RHBDF2: variants seen among roughly 807,000 people sequenced by gnomAD.
RHBDF2 encodes rhomboid 5 homolog 2.
In RHBDF2, 38 loss-of-function variants were observed where a neutral mutation model predicts 95.2. That is an observed-to-expected ratio of 0.40 (90% CI 0.31 to 0.52). The LOEUF (loss-of-function observed/expected upper bound fraction) is 0.52. RHBDF2 is among the 20% of genes least tolerant of loss of function. RHBDF2 has a pLI of 0.56. For missense variants in RHBDF2, 863 were observed against 1,137.7 expected (o/e 0.76, Z 3.47); for synonymous variants, 442 against 462.0 (o/e 0.96, Z 0.55).
At chr17:76,484,596 T>C (rs1211552863) in intron 2 of RHBDF2, among the ~76,000 whole-genome samples, 1 of 152,066 alleles carries the variant, frequency 6.6e-6, no homozygotes, top group African/African-American at 2.4e-5. Flanking sequence ...AGACTGATCA[T>C]TCTCCGCACC....
intron 1 of RHBDF2, chr17:76,492,998 C>T (rs570445382): frequency 5.3e-5 from 8 of 152,366 alleles, no homozygotes; most frequent in Non-Finnish European, 1.0e-4. Flanking sequence ...TGTGGGGAAA[C>T]CACCCCCTGG....
rs1340992125 is a variant in RHBDF2 at position 76,473,900 on chromosome 17, G to A, written c.1577C>T (p.Thr526Ile). 1 of 1,613,938 alleles carries A rather than the reference G, an allele frequency of 6.2e-7. No individual in the cohort carries two copies. The highest frequency in any genetic ancestry group is 8.5e-7 in the Non-Finnish European group (1 of 1,179,964). The change falls in exon 14 of 19, where the codon ACC becomes ATC. Residue 526 changes from threonine to isoleucine, a missense_variant and splice_region_variant. By Grantham distance (89) the Thr-to-Ile change is moderately conservative (BLOSUM62 -1). Transcript: ENST00000675367. ...ACCGCTGGAGGCTGGCTCCTCGCAG[G>A]TCCTGGAGACAGGGTTCAGATTGGG... ...SGAVCHQDPR[T>I]CEEPASSGAH...
At chr17:76,495,994 G>C (rs1020181024) in intron 1 of RHBDF2, among the ~76,000 whole-genome samples, 14 of 152,080 alleles carry the variant, frequency 9.2e-5, no homozygotes, top group African/African-American at 1.7e-4. Flanking sequence ...ACCTTGCTTC[G>C]GGGCAGCGTG....
At chr17:76,486,170 G>A (rs2074124560) in intron 2 of RHBDF2, among the ~76,000 whole-genome samples, 1 of 152,060 alleles carries the variant, frequency 6.6e-6, no homozygotes, top group Non-Finnish European at 1.5e-5. Context: ...GCGCAGTGGT[G>A]CGATTTTGGC....
At chr17:76,477,615 G>A in intron 7 of RHBDF2, 42 bp downstream of exon 7, 1 of 1,603,852 alleles carries the variant, frequency 6.2e-7, no homozygotes, top group Non-Finnish European at 8.5e-7. Flanking sequence ...CAGCTCCCAG[G>A]CCACCCCACC....
intron 2 of RHBDF2, among the ~76,000 whole-genome samples, chr17:76,486,113 CACAT>C (rs988415452): frequency 2.2e-5 from 3 of 136,460 alleles, no homozygotes; most frequent in African/African-American, 8.1e-5. Flanking sequence ...CACACACACA[CACAT>C]ATAGTTTTTG....
chr17:76,474,844 GTGGGCCC>G (rs1281248666), intron 10 of RHBDF2, 40 bp from the exon 11 acceptor site: 2 of 1,598,358 alleles, frequency 1.3e-6, no homozygotes, highest in East Asian at 4.5e-5. Flanking sequence ...TCAGAACAGT[GTGGGCCC>G]TGGGCATGGG....
chr17:76,491,900 T>G (rs2074311514), intron 1 of RHBDF2, among the ~76,000 whole-genome samples: 2 of 152,172 alleles, frequency 1.3e-5, no homozygotes, highest in South Asian at 4.1e-4. Flanking sequence ...CACCCAGCAC[T>G]TATCTCCGAG....
chr17:76,473,496 G>T, intron 15 of RHBDF2, 152 bp downstream of exon 15: 1 of 923,074 alleles, frequency 1.1e-6, no homozygotes, highest in South Asian at 1.5e-5. Context: ...CTCGCACCAT[G>T]GGTAGCCCCA....
intron 2 of RHBDF2, among the ~76,000 whole-genome samples, chr17:76,482,811 C>T (rs1274776853): frequency 1.3e-5 from 2 of 151,512 alleles, no homozygotes; most frequent in African/African-American, 2.4e-5. Flanking sequence ...CTGTCTGGCA[C>T]TTTTCTCCCC....
intron 2 of RHBDF2, among the ~76,000 whole-genome samples, chr17:76,483,441 AC>A (rs1402211796): frequency 2.0e-5 from 3 of 151,808 alleles, no homozygotes; most frequent in Non-Finnish European, 2.9e-5. Flanking sequence ...ATGCGCCACC[AC>A]GCCCAGCTAA....
intron 9 of RHBDF2, chr17:76,476,512 C>G (rs1033588848): frequency 1.6e-5 from 5 of 320,132 alleles, no homozygotes; most frequent in Non-Finnish European, 2.9e-5. Flanking sequence ...CTGCTCCACC[C>G]TCTGGGGGTT....
chr17:76,473,671 G>C lies in RHBDF2; in HGVS notation c.1710C>G (p.Pro570=). The C allele has an allele frequency of 6.2e-7, 1 of 1,610,662 alleles. No individual in the cohort carries two copies. The highest frequency in any genetic ancestry group is 8.5e-7 in the Non-Finnish European group (1 of 1,178,862). Residue 570 remains proline, a synonymous_variant, in exon 15 of 19, where the codon CCC becomes CCG. Transcript: ENST00000675367. ...LHMDCEIKGR[P]CCIGTKGSCE... Reference sequence around the variant, plus strand: ...ACCTGCCCTTGGTGCCGATGCAGCAGGGGCGGCCCTTGATCTCGCAGTCCA... The same window carrying C: ...ACCTGCCCTTGGTGCCGATGCAGCACGGGCGGCCCTTGATCTCGCAGTCCA...
Position 76,471,785 on chromosome 17 carries a change from C to T in RHBDF2, c.2332G>A (p.Val778Met). ...AGGCCGGCAAAGGCCAGCAGTGACA[C>T]CAGGATGAGTGCCCGCTTGCGGTAC... ...DKYRKRALIL[V>M]SLLAFAGLFA... Residue 778 changes from valine to methionine, a missense_variant, in exon 19 of 19, where the codon GTG (valine) becomes ATG (methionine). Around this residue, in one of 2 missense-constraint regions of RHBDF2, gnomAD observed 252 missense variants for 412.2 expected, o/e 0.61. Coordinates refer to ENST00000675367, the MANE Select transcript of RHBDF2 (RefSeq NM_001005498.4). The T allele has an allele frequency of 6.2e-7, 1 of 1,608,164 alleles. No homozygotes were observed. Among genetic ancestry groups the T allele is most frequent in the Non-Finnish European group, 8.5e-7 (1 of 1,177,292 alleles).
At chr17:76,489,325 GTT>G (rs71161301) in intron 1 of RHBDF2, among the ~76,000 whole-genome samples, 48 of 131,676 alleles carry the variant, frequency 3.6e-4, no homozygotes, top group Non-Finnish European at 5.7e-4. Flanking sequence ...GGGCATTCCT[GTT>G]TTTTTTTTTT....
chr17:76,481,240 G>A (rs560979235), intron 3 of RHBDF2, 135 bp downstream of exon 3: 26 of 1,014,046 alleles, frequency 2.6e-5, no homozygotes, highest in African/African-American at 2.2e-4. Flanking sequence ...GGTAGGGCCC[G>A]AGTCAAGGGC....
rs2073543326 is a variant in RHBDF2, at chr17:76,471,116, C to G, written c.*517G>C. ...TCTGCCCCCAGACCATGGCCAAAGC[C>G]TTTCCCACAATGTCCCATCTGAGAG... On this transcript the variant is annotated 3_prime_UTR_variant, in exon 19 of 19. Transcript: ENST00000675367. The G allele has an allele frequency of 6.2e-6, 1 of 160,106 alleles. No homozygotes were observed. The highest frequency in any genetic ancestry group is 2.4e-5 in the African/African-American group (1 of 41,508). The allele number at this position is 160,106 out of a possible 1,614,324, so 9.9% of individuals were successfully genotyped here.
Position 76,473,385 on chromosome 17 carries a change from T to G in RHBDF2, c.1734-58A>C. The G allele has an allele frequency of 3.4e-6, 5 of 1,473,866 alleles. No individual in the cohort carries two copies. The South Asian group carries it at 6.0e-5, about 18-fold the overall frequency. The allele number at this position is 1,473,866 out of a possible 1,614,324, so 91.3% of individuals were successfully genotyped here. A position where few individuals can be genotyped will look rare whatever the true frequency, so the allele number is the denominator to read the frequency against. On this transcript the variant is annotated intron_variant, in intron 15 of 18. Transcript: ENST00000675367. ...GGGCGCCGAATAACCACTGCCCACC[T>G]TTGCCCAGAGCCCAGCACCTGGCTA... is the stretch of plus-strand genomic sequence containing the variant.
chr17:76,473,541 T>TCGGCCCAGCGGCTG, intron 15 of RHBDF2, 107 bp downstream of exon 15: 1 of 1,044,684 alleles, frequency 9.6e-7, no homozygotes, highest in Non-Finnish European at 1.4e-6. Context: ...TTGGAGGGCA[T>TCGGCCCAGCGGCTG]CGGCCCAGCG....
Sources: allele counts gnomAD v4.1 joint callset (sites outside exome capture counted in the v4.1 genomes callset), GRCh38; gene constraint gnomAD v4.1.1; regional missense constraint gnomAD v4.1.1; transcripts MANE v1.5; gene names NCBI Gene and HGNC (gene_info 2026-07-23, HGNC 2026-07-21).